DGCR2: variants seen among roughly 807,000 people sequenced by gnomAD.
DGCR2 encodes DiGeorge syndrome critical region gene 2.
Under a neutral mutation model 51.6 loss-of-function variants are expected in DGCR2, and 24 were observed. The observed-to-expected ratio is 0.47, with a 90% confidence interval of 0.34 to 0.65. The LOEUF is 0.65. Among genes scored for constraint, DGCR2 ranks in the 30% least tolerant of loss-of-function variants. DGCR2 has a pLI of 0.01. For synonymous variants in DGCR2, 340 were observed against 315.4 expected (o/e 1.08, Z -0.82); for missense variants, 765 against 772.1 (o/e 0.99, Z 0.11).
intron 9 of DGCR2, among the ~76,000 whole-genome samples, chr22:19,040,633 C>G (rs931050046): frequency 6.6e-6 from 1 of 152,220 alleles, no homozygotes; most frequent in East Asian, 1.9e-4. Flanking sequence ...CCTCCTGACA[C>G]GACAGGAGGG....
At chr22:19,085,172 C>T (rs963224985) in intron 2 of DGCR2, among the ~76,000 whole-genome samples, 5 of 150,684 alleles carry the variant, frequency 3.3e-5, no homozygotes, top group Non-Finnish European at 7.4e-5. Context: ...ATTTCTAACA[C>T]GAAGGGTTTA....
intron 1 of DGCR2, among the ~76,000 whole-genome samples, chr22:19,099,286 T>C (rs1444129324): frequency 6.6e-6 from 1 of 152,168 alleles, no homozygotes; most frequent in African/African-American, 2.4e-5. Flanking sequence ...ACATCAACAC[T>C]GCGTTTCCAC....
chr22:19,089,537 C>G, intron 1 of DGCR2, 47 bp from the exon 2 acceptor site: 3 of 1,464,944 alleles, frequency 2.0e-6, no homozygotes, highest in Non-Finnish European at 2.7e-6. Flanking sequence ...GGCAGTAGGC[C>G]AGCAAACCAT....
At chr22:19,093,987 C>G (rs2083109714) in intron 1 of DGCR2, among the ~76,000 whole-genome samples, 1 of 151,668 alleles carries the variant, frequency 6.6e-6, no homozygotes, top group Non-Finnish European at 1.5e-5. Context: ...GCTTAGGCAA[C>G]AGCAAGACCT....
intron 1 of DGCR2, among the ~76,000 whole-genome samples, chr22:19,105,645 A>G (rs73158856): frequency 0.093 from 14,222 of 152,178 alleles, 733 homozygotes; most frequent in Middle Eastern, 0.15. Context: ...GGGATGTGCT[A>G]TAACTCCAGA....
At chr22:19,041,349 G>T in intron 8 of DGCR2, 55 bp from the exon 9 acceptor site, 3 of 1,560,798 alleles carry the variant, frequency 1.9e-6, no homozygotes, top group Non-Finnish European at 2.6e-6. Flanking sequence ...GGGGCAGGCT[G>T]CCTGGCTCCT....
chr22:19,102,143 T>C (rs1412821019), intron 1 of DGCR2, among the ~76,000 whole-genome samples: 4 of 152,154 alleles, frequency 2.6e-5, no homozygotes, highest in Non-Finnish European at 1.5e-5. Flanking sequence ...CTGGACAACA[T>C]TATGCTAAGT....
At chr22:19,056,253 T>G (rs1416987958) in intron 6 of DGCR2, 1 of 164,300 alleles carries the variant, frequency 6.1e-6, no homozygotes, top group Non-Finnish European at 1.3e-5. Context: ...AGGCGGAGCT[T>G]GCAGTGAGCC....
Position 19,122,177 on chromosome 22 carries a change from G to A in DGCR2, c.30C>T (p.Phe10=). 1.3e-6 allele frequency: 2 copies of A among 1,511,976 alleles called. No homozygotes were observed. Among genetic ancestry groups the A allele is most frequent in the Admixed American group, 2.1e-5 (1 of 46,738 alleles). The allele number at this position is 1,511,976 out of a possible 1,614,324, so 93.7% of individuals were successfully genotyped here. A position where few individuals can be genotyped will look rare whatever the true frequency, so the allele number is the denominator to read the frequency against. Residue 10 remains phenylalanine, a synonymous_variant, in exon 1 of 10, where the codon TTC becomes TTT. Transcript: ENST00000263196. MVPKADSGA[F]LLLFLLVLTV... is the part of the protein sequence containing the mutation. ...TGAGCACGAGCAGGAAGAGCAGCAG[G>A]AAGGCGCCGCTGTCTGCCTTGGGCA...
intron 1 of DGCR2, among the ~76,000 whole-genome samples, chr22:19,111,934 C>T (rs937523233): frequency 2.0e-5 from 3 of 149,858 alleles, no homozygotes; most frequent in African/African-American, 5.0e-5. Context: ...AGTACATCAA[C>T]GAAGGCTCAG....
chr22:19,089,867 C>T (rs993546517), intron 1 of DGCR2, among the ~76,000 whole-genome samples: 1 of 152,250 alleles, frequency 6.6e-6, no homozygotes, highest in Non-Finnish European at 1.5e-5. Context: ...AGGCATGTAC[C>T]ACTGTGCCTG....
chr22:19,045,322 G>A (rs1460556239), intron 7 of DGCR2: 1 of 152,222 alleles, frequency 6.6e-6, no homozygotes, highest in Non-Finnish European at 1.5e-5. Context: ...CAAACTCCTT[G>A]TTGTACTCTT....
chr22:19,042,823 A>G (rs6518517), intron 7 of DGCR2, among the ~76,000 whole-genome samples: 62,564 of 152,034 alleles, frequency 0.41, 13,293 homozygotes, highest in African/African-American at 0.52. Context: ...CTCAGGTATC[A>G]TTTCACAAAT....
At chr22:19,050,548 G>A (rs1270359623) in intron 6 of DGCR2, among the ~76,000 whole-genome samples, 4 of 152,218 alleles carry the variant, frequency 2.6e-5, no homozygotes, top group Non-Finnish European at 5.9e-5. Flanking sequence ...AAAGGCAATC[G>A]TGATTATAAA....
At chr22:19,049,414 C>T (rs1161692334) in intron 6 of DGCR2, among the ~76,000 whole-genome samples, 1 of 152,122 alleles carries the variant, frequency 6.6e-6, no homozygotes, top group Non-Finnish European at 1.5e-5. Context: ...AAGAGAGCCA[C>T]CCTCAGTGAA....
At chr22:19,072,809 G>C (rs896210245) in intron 2 of DGCR2, among the ~76,000 whole-genome samples, 1 of 152,148 alleles carries the variant, frequency 6.6e-6, no homozygotes, top group Non-Finnish European at 1.5e-5. Context: ...GGGAGGCAGA[G>C]GTTGCAGTGA....
At chr22:19,070,049 C>G (rs1259895366) in intron 2 of DGCR2, among the ~76,000 whole-genome samples, 1 of 152,144 alleles carries the variant, frequency 6.6e-6, no homozygotes, top group Non-Finnish European at 1.5e-5. Context: ...TAACTGGCAC[C>G]ACGACAGGCC....
At chr22:19,094,052 C>T (rs759582727) in intron 1 of DGCR2, among the ~76,000 whole-genome samples, 1 of 152,166 alleles carries the variant, frequency 6.6e-6, no homozygotes, top group Non-Finnish European at 1.5e-5. Context: ...TTAATGGTCA[C>T]TTAACCAAGG....
Position 19,038,783 on chromosome 22 carries a change from G to A in DGCR2, c.*82C>T. ...GTGCGTGGCGTCCAGGCTGGGACAGGGGCCTTTCAAGTCTCCCCAGGGACC... is the reference window on the plus strand; with the variant it reads ...GTGCGTGGCGTCCAGGCTGGGACAGAGGCCTTTCAAGTCTCCCCAGGGACC... On this transcript the variant is annotated 3_prime_UTR_variant, in exon 10 of 10. Coordinates refer to ENST00000263196, the MANE Select transcript of DGCR2 (RefSeq NM_005137.3). 6.5e-6 allele frequency: 10 copies of A among 1,545,756 alleles called. No individual in the cohort carries two copies. Among genetic ancestry groups the A allele is most frequent in the Admixed American group, 1.8e-5 (1 of 54,542 alleles).
Sources: gnomAD v4.1 joint callset for allele counts (sites outside exome capture counted in the v4.1 genomes callset) on GRCh38, gnomAD v4.1.1 for gene constraint, MANE v1.5 for transcripts, NCBI Gene and HGNC (gene_info 2026-07-23, HGNC 2026-07-21) for gene names.